PLXNA2: variants seen among roughly 807,000 people sequenced by gnomAD.
PLXNA2 encodes the protein plexin A2.
In PLXNA2, 91 loss-of-function variants were observed where a neutral mutation model predicts 193.5. The observed-to-expected ratio is 0.47, with a 90% CI of 0.40 to 0.56. PLXNA2 has a LOEUF of 0.56. PLXNA2 is among the 20% of genes least tolerant of loss of function. The pLI, the probability that PLXNA2 is intolerant of heterozygous loss-of-function variation, is 0.00. For synonymous variants in PLXNA2, 997 were observed against 1,027.3 expected (o/e 0.97, Z 0.56); for missense variants, 1,995 against 2,503.2 (o/e 0.80, Z 4.33).
At chr1:208,134,352 A>G (rs1668242929) in intron 4 of PLXNA2, among the ~76,000 whole-genome samples, 1 of 152,130 alleles carries the variant, frequency 6.6e-6, no homozygotes, top group Non-Finnish European at 1.5e-5. Context: ...CCCGGGTTTG[A>G]GGTGGTCATT....
At chr1:208,060,055 C>T (rs1302474637) in intron 13 of PLXNA2, among the ~76,000 whole-genome samples, 4 of 152,134 alleles carry the variant, frequency 2.6e-5, no homozygotes, top group African/African-American at 7.2e-5. Flanking sequence ...CCCGCTTTCT[C>T]CTTTGGAGGG....
chr1:208,028,526 T>G lies in PLXNA2; in HGVS notation c.5438+304A>C, dbSNP rs1253460395. The stretch of plus-strand genomic sequence containing the variant: ...AGTTTCCTTATCAGTAAAATGGGGA[T>G]AATAATAATACTGGCTTCACAACTC... On this transcript the variant is annotated intron_variant, in intron 30 of 31. Transcript: ENST00000367033. The surrounding 1 kb of genome is among the most constrained non-coding windows in gnomAD (Gnocchi z 4.2). Among the ~76,000 whole-genome samples, 1 of 152,186 alleles carries G rather than the reference T, an allele frequency of 6.6e-6. No homozygotes were observed. Among genetic ancestry groups the G allele is most frequent in the Non-Finnish European group, 1.5e-5 (1 of 68,036 alleles).
intron 1 of PLXNA2, among the ~76,000 whole-genome samples, chr1:208,229,903 C>T (rs1172974396): frequency 2.6e-5 from 4 of 152,172 alleles, no homozygotes; most frequent in South Asian, 2.1e-4. Flanking sequence ...AAACTCGCAG[C>T]GCTGGATGGC....
intron 3 of PLXNA2, among the ~76,000 whole-genome samples, chr1:208,208,879 A>T (rs973643155): frequency 6.6e-6 from 1 of 152,210 alleles, no homozygotes; most frequent in African/African-American, 2.4e-5. Context: ...CAATTTGCTC[A>T]ACTGGATATG....
chr1:208,241,938 C>T (rs926602965), intron 1 of PLXNA2, among the ~76,000 whole-genome samples: 6 of 152,188 alleles, frequency 3.9e-5, no homozygotes, highest in Non-Finnish European at 8.8e-5. Context: ...TACCCTTTCT[C>T]TTCACTGCCC....
At position 208,216,895 on chromosome 1, in the gene PLXNA2, T is replaced by C. The variant is rs1171605553; in HGVS notation, c.1028A>G (p.Gln343Arg). ...ATCGGGCGGGTGGTGATACTGCTTC[T>C]GCCCTTTGGAGAAGATGGCAAAGAG... Reference protein sequence around the residue: ...DVLFAIFSKGQKQYHHPPDDS... With the variant: ...DVLFAIFSKGRKQYHHPPDDS... Residue 343 changes from glutamine to arginine, a missense_variant, in exon 2 of 32, where the codon CAG (glutamine) becomes CGG (arginine). Physicochemically the swap from Gln to Arg is conservative, Grantham distance 43. Coordinates refer to ENST00000367033, the MANE Select transcript of PLXNA2 (RefSeq NM_025179.4). The C allele has an allele frequency of 1.9e-6, 3 of 1,614,106 alleles. No individual in the cohort carries two copies. Among genetic ancestry groups the C allele is most frequent in the Admixed American group, 1.7e-5 (1 of 60,012 alleles).
intron 12 of PLXNA2, among the ~76,000 whole-genome samples, chr1:208,071,882 G>A (rs144001557): frequency 2.2e-4 from 33 of 152,316 alleles, no homozygotes; most frequent in African/African-American, 7.7e-4. Flanking sequence ...CTGGGCAGGT[G>A]GCTTTTGGCC....
intron 3 of PLXNA2, among the ~76,000 whole-genome samples, chr1:208,149,458 T>C (rs1335086278): frequency 6.6e-6 from 1 of 152,028 alleles, no homozygotes; most frequent in Non-Finnish European, 1.5e-5. Flanking sequence ...ATGTGTTGTA[T>C]GTGGTGTATG....
At chr1:208,029,633 G>A (rs1664441739) in intron 29 of PLXNA2, 18 of 987,540 alleles carry the variant, frequency 1.8e-5, no homozygotes, top group Non-Finnish European at 2.2e-5. Flanking sequence ...ATCTGGGCAG[G>A]GGCAGAGGGA....
chr1:208,186,768 G>A (rs1670018906), intron 3 of PLXNA2, among the ~76,000 whole-genome samples: 2 of 146,596 alleles, frequency 1.4e-5, no homozygotes, highest in East Asian at 2.1e-4. Flanking sequence ...GCGGGACTGC[G>A]GACTGCAGTG....
At chr1:208,119,408 C>T (rs1300281280) in intron 4 of PLXNA2, among the ~76,000 whole-genome samples, 14 of 152,176 alleles carry the variant, frequency 9.2e-5, no homozygotes, top group African/African-American at 2.4e-5. Context: ...AAAGCAAACA[C>T]ACCTTCAGGG....
At chr1:208,185,532 A>G (rs533507813) in intron 3 of PLXNA2, among the ~76,000 whole-genome samples, 2 of 152,112 alleles carry the variant, frequency 1.3e-5, no homozygotes, top group Non-Finnish European at 2.9e-5. Context: ...GATGGTTCCC[A>G]CAAAGACTGC....
At chr1:208,039,889 C>G (rs967062938) in intron 23 of PLXNA2, 103 bp downstream of exon 23, 57 of 1,582,054 alleles carry the variant, frequency 3.6e-5, no homozygotes, top group Non-Finnish European at 4.9e-5. Context: ...GTCCAGGTTC[C>G]TGCTCCCGAG....
At chr1:208,077,746 C>T (rs1009590284) in intron 12 of PLXNA2, among the ~76,000 whole-genome samples, 2 of 152,162 alleles carry the variant, frequency 1.3e-5, no homozygotes, top group African/African-American at 4.8e-5. Flanking sequence ...ACATTCTCTT[C>T]CAGAGACATA....
At chr1:208,037,167 C>T (rs1253049556) in intron 26 of PLXNA2, among the ~76,000 whole-genome samples, 1 of 152,012 alleles carries the variant, frequency 6.6e-6, no homozygotes, top group Non-Finnish European at 1.5e-5. Flanking sequence ...GATGAGGAGC[C>T]CAAGGTGCAG....
chr1:208,211,992 G>A (rs908976870), intron 2 of PLXNA2, among the ~76,000 whole-genome samples: 1 of 152,226 alleles, frequency 6.6e-6, no homozygotes, highest in Non-Finnish European at 1.5e-5. Context: ...ACATGGCCCA[G>A]TTAATGGCAC....
chr1:208,051,467 A>T (rs536310852), intron 15 of PLXNA2, 44 bp from the exon 16 acceptor site: 4 of 1,558,618 alleles, frequency 2.6e-6, no homozygotes, highest in Non-Finnish European at 3.5e-6. Context: ...AGGCATGGGC[A>T]ACAAGAGGTG....
intron 3 of PLXNA2, among the ~76,000 whole-genome samples, chr1:208,203,311 C>T (rs1369312811): frequency 6.6e-6 from 1 of 152,168 alleles, no homozygotes; most frequent in Non-Finnish European, 1.5e-5. Context: ...CCACCCCTTC[C>T]ATGCAGGCTC....
chr1:208,213,164 TA>T (rs57234892), intron 2 of PLXNA2, among the ~76,000 whole-genome samples: 23,867 of 147,506 alleles, frequency 0.16, 1,946 homozygotes, highest in South Asian at 0.17. Flanking sequence ...CCAGAACTAT[TA>T]AAAAAAAAAA....
Sources: gnomAD v4.1 joint callset for allele counts (sites outside exome capture counted in the v4.1 genomes callset) on GRCh38, gnomAD v4.1.1 for gene constraint, Gnocchi (gnomAD v3.1) non-coding constraint, MANE v1.5 for transcripts, NCBI Gene and HGNC (gene_info 2026-07-23, HGNC 2026-07-21) for gene names.